LIMK2: variants seen among roughly 807,000 people sequenced by gnomAD.
The protein encoded by LIMK2 is LIM domain kinase 2.
LIMK2 carries 35 observed loss-of-function variants against 75.7 expected under a neutral mutation model. The ratio of observed to expected loss-of-function variants is 0.46; its 90% CI spans 0.35 to 0.61. The LOEUF (loss-of-function observed/expected upper bound fraction) is 0.61. Among genes scored for constraint, LIMK2 ranks in the 20% least tolerant of loss-of-function variants. The pLI, the probability that LIMK2 is intolerant of heterozygous loss-of-function variation, is 0.00. For missense variants in LIMK2, 623 were observed against 831.0 expected (o/e 0.75, Z 3.08); for synonymous variants, 301 against 319.2 (o/e 0.94, Z 0.61).
At chr22:31,218,945 T>G (rs2048410551) in intron 1 of LIMK2, among the ~76,000 whole-genome samples, 1 of 152,224 alleles carries the variant, frequency 6.6e-6, no homozygotes, top group South Asian at 2.1e-4. Context: ...CTCTCAGTGC[T>G]TGAGGATTTC....
chr22:31,214,888 C>A (rs1292943695), intron 1 of LIMK2, among the ~76,000 whole-genome samples: 1 of 152,134 alleles, frequency 6.6e-6, no homozygotes, highest in East Asian at 1.9e-4. Flanking sequence ...CTCCACCTCC[C>A]AGGTTCAAGT....
At chr22:31,256,396 A>G (rs936725345) in intron 2 of LIMK2, among the ~76,000 whole-genome samples, 3 of 151,392 alleles carry the variant, frequency 2.0e-5, no homozygotes, top group Admixed American at 1.3e-4. Context: ...GCTGGAGTGC[A>G]GTGGCGTGAT....
chr22:31,235,982 T>C (rs2048570208), intron 2 of LIMK2, among the ~76,000 whole-genome samples: 1 of 152,232 alleles, frequency 6.6e-6, no homozygotes, highest in African/African-American at 2.4e-5. Context: ...GCCCTTTGTG[T>C]GCTTCATTTT....
intron 2 of LIMK2, among the ~76,000 whole-genome samples, chr22:31,255,672 A>G (rs1192026287): frequency 1.3e-5 from 2 of 151,824 alleles, no homozygotes; most frequent in Non-Finnish European, 2.9e-5. Context: ...CTCTTCCTCA[A>G]CTCTTCATAA....
At chr22:31,213,918 C>T (rs1315374959) in intron 1 of LIMK2, among the ~76,000 whole-genome samples, 1 of 150,934 alleles carries the variant, frequency 6.6e-6, no homozygotes, top group South Asian at 2.1e-4. Flanking sequence ...CGGGTTCAAG[C>T]GATTCTCCTA....
intron 2 of LIMK2, among the ~76,000 whole-genome samples, chr22:31,256,474 G>T (rs965050230): frequency 4.0e-5 from 6 of 151,298 alleles, no homozygotes; most frequent in African/African-American, 1.5e-4. Context: ...CCGAGTAGCT[G>T]GGATTATAGG....
intron 15 of LIMK2, chr22:31,277,198 C>A: frequency 6.2e-7 from 1 of 1,609,232 alleles, no homozygotes. Flanking sequence ...CCCCCGACCT[C>A]GTAGCAACAG....
At chr22:31,233,111 G>A (rs2123786969) in intron 2 of LIMK2, among the ~76,000 whole-genome samples, 1 of 152,316 alleles carries the variant, frequency 6.6e-6, no homozygotes, top group South Asian at 2.1e-4. Context: ...GGTTGTATTA[G>A]AGAAAAGTGG....
rs573050625 is a variant in LIMK2 at position 31,242,887 on chromosome 22, C to G, written c.117-15404C>G. 2.6e-5 allele frequency among the ~76,000 whole-genome samples: 4 copies of G among 152,298 alleles called. No homozygotes were observed. In the South Asian group the frequency reaches 8.3e-4, roughly 32 times the overall value. Reference sequence around the variant, plus strand: ...TGTTCACATATGTTCTCATTTAATGCTCATAACCCTGTGAAGCTGGGAATT... The same window carrying G: ...TGTTCACATATGTTCTCATTTAATGGTCATAACCCTGTGAAGCTGGGAATT... On this transcript the variant is annotated intron_variant, in intron 2 of 15. Transcript: ENST00000331728.
At chr22:31,275,735 TGA>T (rs2049007015) in intron 15 of LIMK2, 1 of 163,672 alleles carries the variant, frequency 6.1e-6, no homozygotes, top group South Asian at 1.6e-4. Flanking sequence ...GAAATTCTAT[TGA>T]GAGACTGTCT....
chr22:31,221,429 C>T (rs954625339), intron 1 of LIMK2, among the ~76,000 whole-genome samples: 3 of 151,892 alleles, frequency 2.0e-5, no homozygotes, highest in African/African-American at 4.8e-5. Flanking sequence ...CGCCCTTTTC[C>T]TAGTTATGAA....
chr22:31,219,316 A>G (rs2048414042), intron 1 of LIMK2, among the ~76,000 whole-genome samples: 1 of 152,156 alleles, frequency 6.6e-6, no homozygotes, highest in South Asian at 2.1e-4. Flanking sequence ...AGAAGCATTC[A>G]TAAAGTGAAT....
In LIMK2 at chr22:31,265,529, C is replaced by G. The variant is rs548467275; in HGVS notation, c.855-417C>G. Among the ~76,000 whole-genome samples the G allele has an allele frequency of 2.1e-3, 311 of 151,010 alleles. 3 individuals are homozygous for G. The highest frequency in any genetic ancestry group is 7.3e-3 in the African/African-American group (301 of 41,174). Reference sequence around the variant, plus strand: ...CTCCAGCCTGGTTGACAGAGCGAGACTCTGTCTCAAAAAAAAAAAATCCCA... The same window carrying G: ...CTCCAGCCTGGTTGACAGAGCGAGAGTCTGTCTCAAAAAAAAAAAATCCCA... On this transcript the variant is annotated intron_variant, in intron 7 of 15. Coordinates refer to ENST00000331728, the MANE Select transcript of LIMK2 (RefSeq NM_005569.4).
chr22:31,223,776 G>C (rs2048456452), intron 1 of LIMK2, among the ~76,000 whole-genome samples: 1 of 152,204 alleles, frequency 6.6e-6, no homozygotes, highest in Non-Finnish European at 1.5e-5. Context: ...TTGACAAGGA[G>C]TCTGAGGATT....
At chr22:31,229,307 A>G (rs2123781411) in intron 2 of LIMK2, among the ~76,000 whole-genome samples, 1 of 152,250 alleles carries the variant, frequency 6.6e-6, no homozygotes, top group South Asian at 2.1e-4. Context: ...GAGCCTGGTA[A>G]TTTGCCCTGG....
At chr22:31,237,709 A>G (rs1338654903) in intron 2 of LIMK2, among the ~76,000 whole-genome samples, 1 of 152,174 alleles carries the variant, frequency 6.6e-6, no homozygotes, top group South Asian at 2.1e-4. Flanking sequence ...ATTAGTTACT[A>G]GAGAGGCAAA....
intron 1 of LIMK2, among the ~76,000 whole-genome samples, chr22:31,220,836 C>A (rs565286193): frequency 1.3e-5 from 2 of 152,290 alleles, no homozygotes; most frequent in African/African-American, 2.4e-5. Context: ...GTGGCGCATG[C>A]CCACAATCCC....
At chr22:31,258,003 G>A (rs2048801830) in intron 2 of LIMK2, among the ~76,000 whole-genome samples, 2 of 151,998 alleles carry the variant, frequency 1.3e-5, no homozygotes, top group African/African-American at 4.8e-5. Context: ...TTTTTCTAGG[G>A]GAGGCTTCTT....
chr22:31,251,067 C>A (rs1177884063), intron 2 of LIMK2, among the ~76,000 whole-genome samples: 1 of 152,218 alleles, frequency 6.6e-6, no homozygotes, highest in Non-Finnish European at 1.5e-5. Flanking sequence ...CATACATACT[C>A]AGCAGAGAAT....
Sources: allele counts gnomAD v4.1 joint callset (sites outside exome capture counted in the v4.1 genomes callset), GRCh38; gene constraint gnomAD v4.1.1; transcripts MANE v1.5; gene names NCBI Gene and HGNC (gene_info 2026-07-23, HGNC 2026-07-21).